DHRSX: variants seen among roughly 807,000 people sequenced by gnomAD.
DHRSX encodes polyprenol dehydrogenase.
Under a neutral mutation model 34.0 loss-of-function variants are expected in DHRSX, and 31 were observed. The observed-to-expected ratio is 0.91, with a 90% CI of 0.69 to 1.23. The LOEUF (loss-of-function observed/expected upper bound fraction) is 1.23. DHRSX is among the 50% of genes most tolerant of loss of function. DHRSX has a pLI of 0.00. For synonymous variants in DHRSX, 201 were observed against 183.8 expected (o/e 1.09, Z -0.76); for missense variants, 414 against 428.1 (o/e 0.97, Z 0.29).
chrX:2,265,280 T>C (rs1167770831), intron 5 of DHRSX, among the ~76,000 whole-genome samples: 1 of 798 alleles, frequency 1.3e-3, no homozygotes. Context: ...GCACCAGTGC[T>C]CAGCAGACGC....
intron 3 of DHRSX, among the ~76,000 whole-genome samples, chrX:2,295,524 T>C (rs765811775): frequency 2.0e-5 from 3 of 152,170 alleles, no homozygotes; most frequent in African/African-American, 7.2e-5. Context: ...TGTATACCTA[T>C]GTAACAAACT....
intron 2 of DHRSX, among the ~76,000 whole-genome samples, chrX:2,420,748 A>T (rs1020540274): frequency 1.4e-5 from 2 of 145,788 alleles, no homozygotes; most frequent in African/African-American, 2.5e-5. Context: ...ATGTCAAAGT[A>T]AAAAAAAAAA....
intron 5 of DHRSX, among the ~76,000 whole-genome samples, chrX:2,266,490 C>G (rs768986539): frequency 6.6e-6 from 1 of 151,258 alleles, no homozygotes; most frequent in Admixed American, 6.6e-5. Flanking sequence ...TCGGCAGACG[C>G]AGGGAGCACT....
At chrX:2,489,624 CCTT>C in intron 1 of DHRSX, 4 of 1,612,646 alleles carry the variant, frequency 2.5e-6, no homozygotes, top group South Asian at 1.1e-5. Flanking sequence ...AACTGCTGCT[CCTT>C]GAGGCGCTGC....
rs568794530 is a variant in DHRSX at position 2,323,545 on chromosome X, T to C, written c.287-31942A>G. Among the ~76,000 whole-genome samples the C allele has an allele frequency of 8.5e-4, 130 of 152,258 alleles. 1 individual carries two copies. The South Asian group carries it at 0.027, about 31-fold the overall frequency. On this transcript the variant is annotated intron_variant, in intron 3 of 6. Transcript: ENST00000334651. Reference sequence around the variant, plus strand: ...TAAGAGGCCCAGGTGAGAAGACTGCTGGAGGCCAGGAGTTTAAGACCAGCC... The same window carrying C: ...TAAGAGGCCCAGGTGAGAAGACTGCCGGAGGCCAGGAGTTTAAGACCAGCC...
At chrX:2,336,148 C>A (rs2042558715) in intron 3 of DHRSX, among the ~76,000 whole-genome samples, 1 of 152,044 alleles carries the variant, frequency 6.6e-6, no homozygotes, top group Non-Finnish European at 1.5e-5. Context: ...GCTGGGACTA[C>A]AGGCGCCCGC....
intron 4 of DHRSX, among the ~76,000 whole-genome samples, chrX:2,287,243 G>A (rs1256062659): frequency 1.3e-5 from 2 of 152,150 alleles, no homozygotes; most frequent in African/African-American, 4.8e-5. Context: ...ACAGAATCAT[G>A]ACCCCAAAAA....
chrX:2,282,875 G>T (rs760344266), intron 4 of DHRSX, among the ~76,000 whole-genome samples: 2 of 144,532 alleles, frequency 1.4e-5, no homozygotes, highest in South Asian at 4.5e-4. Context: ...GAGAGAGGGG[G>T]AGAGAGGGAG....
chrX:2,298,407 A>AC (rs1337423574), intron 3 of DHRSX, among the ~76,000 whole-genome samples: 8 of 151,352 alleles, frequency 5.3e-5, no homozygotes, highest in Non-Finnish European at 1.0e-4. Context: ...AAAAAAAAAA[A>AC]ACAATTTTCA....
chrX:2,400,568 T>TC (rs2043473333), intron 3 of DHRSX, among the ~76,000 whole-genome samples: 1 of 152,180 alleles, frequency 6.6e-6, no homozygotes, highest in Non-Finnish European at 1.5e-5. Context: ...CCACTGTGTT[T>TC]CAGGCACTGA....
chrX:2,264,590 G>A (rs1411631155), intron 5 of DHRSX, among the ~76,000 whole-genome samples: 1 of 151,562 alleles, frequency 6.6e-6, no homozygotes, highest in African/African-American at 2.4e-5. Flanking sequence ...ACCAGATGCA[G>A]GGAGCACTGT....
At chrX:2,456,595 C>T (rs961555738) in intron 1 of DHRSX, among the ~76,000 whole-genome samples, 2 of 125,502 alleles carry the variant, frequency 1.6e-5, no homozygotes, top group African/African-American at 3.1e-5. Context: ...GCCTGGGGGA[C>T]ACAGCAAGAC....
intron 1 of DHRSX, among the ~76,000 whole-genome samples, chrX:2,463,957 A>G (rs1191930572): frequency 6.6e-6 from 1 of 152,170 alleles, no homozygotes; most frequent in Non-Finnish European, 1.5e-5. Context: ...TTCGGAAAGC[A>G]TGTGGCCAAA....
chrX:2,317,331 A>C (rs111892691), intron 3 of DHRSX, among the ~76,000 whole-genome samples: 108,967 of 147,146 alleles, frequency 0.74, 41,285 homozygotes, highest in African/African-American at 0.81. Context: ...AGCTCACTGC[A>C]GCCTCCACCT....
chrX:2,298,678 C>T (rs1312197450), intron 3 of DHRSX, among the ~76,000 whole-genome samples: 2 of 135,124 alleles, frequency 1.5e-5, no homozygotes, highest in South Asian at 2.1e-4. Flanking sequence ...TCCTGAGAAC[C>T]CTTACTTTTA....
intron 6 of DHRSX, among the ~76,000 whole-genome samples, chrX:2,236,070 C>T (rs1210187864): frequency 3.3e-5 from 5 of 151,848 alleles, no homozygotes; most frequent in Non-Finnish European, 7.4e-5. Flanking sequence ...TGAGATCGCG[C>T]CATTGTACTC....
chrX:2,457,208 G>A lies in DHRSX; in HGVS notation c.110-31904C>T, dbSNP rs753839817. On this transcript the variant is annotated intron_variant, in intron 1 of 6. Coordinates refer to ENST00000334651, the MANE Select transcript of DHRSX (RefSeq NM_145177.3). ...AGACGTTTTCTAAGAATGTGGCCAA[G>A]GGTCCACACTGAAGATGATCCCTAA... Among the ~76,000 whole-genome samples the A allele has an allele frequency of 3.3e-5, 5 of 152,248 alleles. No individual in the cohort carries two copies. The South Asian group carries it at 1.0e-3, about 32-fold the overall frequency.
In DHRSX at chrX:2,325,383, G is replaced by A. The variant is rs779036470; in HGVS notation, c.287-33780C>T. Among the ~76,000 whole-genome samples the A allele has an allele frequency of 7.9e-5, 12 of 152,166 alleles. No homozygotes were observed. The South Asian group carries it at 1.7e-3, about 21-fold the overall frequency. On this transcript the variant is annotated intron_variant, in intron 3 of 6. Coordinates refer to ENST00000334651, the MANE Select transcript of DHRSX (RefSeq NM_145177.3). ...TCAAGATGGCGGTTCCATCTTCCCG[G>A]CAGGAACTAGGGACTAGACACATTC...
intron 2 of DHRSX, among the ~76,000 whole-genome samples, chrX:2,412,379 C>T (rs1279265572): frequency 2.6e-5 from 4 of 152,122 alleles, no homozygotes; most frequent in African/African-American, 7.2e-5. Flanking sequence ...CCACTGCACC[C>T]GGCCTGGTTT....
Sources: allele counts gnomAD v4.1 joint callset (sites outside exome capture counted in the v4.1 genomes callset), GRCh38; gene constraint gnomAD v4.1.1; transcripts MANE v1.5; gene names NCBI Gene and HGNC (gene_info 2026-07-23, HGNC 2026-07-21).